Variants in LIN28B observed in about 807,000 individuals in gnomAD.
LIN28B encodes lin-28 RNA binding posttranscriptional regulator B.
In LIN28B, 5 loss-of-function variants were observed where a neutral mutation model predicts 21.9. That is an observed-to-expected ratio of 0.23 (90% confidence interval 0.12 to 0.48). The LOEUF (loss-of-function observed/expected upper bound fraction) is 0.48. Among genes scored for constraint, LIN28B ranks in the 20% least tolerant of loss-of-function variants. The pLI is 0.98. For synonymous variants in LIN28B, 109 were observed against 111.3 expected, an observed-to-expected ratio of 0.98 and a Z score of 0.13; for missense variants, 245 against 310.5, an observed-to-expected ratio of 0.79 and a Z score of 1.58.
intron 2 of LIN28B, chr6:104,941,506 G>C (rs1778093331): frequency 6.7e-6 from 1 of 150,162 alleles, no homozygotes; most frequent in Non-Finnish European, 1.5e-5. Flanking sequence ...GCGAGGGTGC[G>C]GCGCAGGCTG....
At chr6:105,067,278 A>G (rs556670371) in intron 3 of LIN28B, among the ~76,000 whole-genome samples, 1 of 152,362 alleles carries the variant, frequency 6.6e-6, no homozygotes, top group Non-Finnish European at 1.5e-5. Flanking sequence ...GTAAGACCAA[A>G]TAGAGTCAAT....
chr6:105,024,004 C>T (rs1771233356), intron 2 of LIN28B, among the ~76,000 whole-genome samples: 1 of 151,286 alleles, frequency 6.6e-6, no homozygotes, highest in Non-Finnish European at 1.5e-5. Context: ...TTTTTTGAGA[C>T]AGGGTTTCCA....
intron 3 of LIN28B, among the ~76,000 whole-genome samples, chr6:105,043,770 GGGGTTTCACTAGCCTAGGCTAGTC>G (rs1771690499): frequency 1.3e-5 from 2 of 151,920 alleles, no homozygotes; most frequent in South Asian, 4.2e-4. Flanking sequence ...TAGTAGAGAT[GGGGTTTCACTAGCCTAGGCTAGTC>G]GGGTTTCACA....
intron 3 of LIN28B, among the ~76,000 whole-genome samples, chr6:105,057,144 G>C (rs1368207425): frequency 1.3e-5 from 2 of 152,042 alleles, no homozygotes; most frequent in Non-Finnish European, 2.9e-5. Flanking sequence ...ATTTATTTTG[G>C]GGTTGCATGT....
chr6:104,967,788 C>T (rs1225979864), intron 2 of LIN28B, among the ~76,000 whole-genome samples: 1 of 151,964 alleles, frequency 6.6e-6, no homozygotes, highest in East Asian at 1.9e-4. Flanking sequence ...AAGCAATTAT[C>T]CAACCTGAGC....
chr6:105,047,398 G>C (rs1395006462), intron 3 of LIN28B, among the ~76,000 whole-genome samples: 1 of 152,082 alleles, frequency 6.6e-6, no homozygotes, highest in African/African-American at 2.4e-5. Flanking sequence ...GGTACCAGTA[G>C]CATGCTGTTT....
chr6:105,022,223 CTA>C (rs1771155582), intron 2 of LIN28B, among the ~76,000 whole-genome samples: 1 of 152,154 alleles, frequency 6.6e-6, no homozygotes, highest in Admixed American at 6.5e-5. Flanking sequence ...AGTGAAGAAA[CTA>C]TTACACTTAT....
At chr6:104,994,989 G>A (rs892883281) in intron 2 of LIN28B, among the ~76,000 whole-genome samples, 10 of 152,134 alleles carry the variant, frequency 6.6e-5, no homozygotes, top group Admixed American at 1.3e-4. Flanking sequence ...AAAAATTTTT[G>A]AGCACCAACT....
intron 2 of LIN28B, among the ~76,000 whole-genome samples, chr6:104,961,503 C>T (rs1224660933): frequency 6.6e-6 from 1 of 151,824 alleles, no homozygotes; most frequent in Admixed American, 6.6e-5. Context: ...CGAGTTCAAG[C>T]GATTCTTCTG....
Position 105,082,717 on chromosome 6 carries a change from A to G in LIN28B, c.*3934A>G, listed in dbSNP as rs1772563208. The G allele has an allele frequency of 6.6e-6, 1 of 152,650 alleles. No homozygotes were observed. The highest frequency in any genetic ancestry group is 1.5e-5 in the Non-Finnish European group (1 of 68,050). The allele number at this position is 152,650 out of a possible 1,614,324, so 9.5% of individuals were successfully genotyped here. ...TGATCTGTGTCTTAATTGTTCAGTT[A>G]GAGTGAGAAGTTGACCTATGATTCA... is the stretch of plus-strand genomic sequence containing the variant. On this transcript the variant is annotated 3_prime_UTR_variant, in exon 4 of 4. Coordinates refer to ENST00000345080, the MANE Select transcript of LIN28B (RefSeq NM_001004317.4).
chr6:105,026,233 A>G (rs991117165), intron 2 of LIN28B, 65 bp from the exon 3 acceptor site: 21 of 832,434 alleles, frequency 2.5e-5, no homozygotes, highest in African/African-American at 1.6e-4. Flanking sequence ...TTATAGAGAT[A>G]ATTTATAAAG....
At chr6:104,940,788 C>A (rs1431320087) in intron 2 of LIN28B, 1 of 151,642 alleles carries the variant, frequency 6.6e-6, no homozygotes, top group Non-Finnish European at 1.5e-5. Flanking sequence ...CCGGTGGCCG[C>A]GCGCCGCCCG....
At chr6:105,054,239 C>T (rs927299834) in intron 3 of LIN28B, among the ~76,000 whole-genome samples, 11 of 152,134 alleles carry the variant, frequency 7.2e-5, no homozygotes, top group African/African-American at 2.7e-4. Flanking sequence ...CCATTTTGCT[C>T]TCAGTTTTCT....
At chr6:105,008,643 CAAA>C (rs202223950) in intron 2 of LIN28B, among the ~76,000 whole-genome samples, 4 of 91,010 alleles carry the variant, frequency 4.4e-5, no homozygotes, top group Admixed American at 1.2e-4. Context: ...GACTACATCT[CAAA>C]AAAAAAAAAA....
intron 2 of LIN28B, among the ~76,000 whole-genome samples, chr6:104,962,463 A>G (rs1365503948): frequency 1.3e-5 from 2 of 152,060 alleles, no homozygotes; most frequent in African/African-American, 2.4e-5. Context: ...AAGGCTTTAT[A>G]TATTTTATGT....
intron 3 of LIN28B, among the ~76,000 whole-genome samples, chr6:105,041,169 C>T (rs1771624745): frequency 6.6e-6 from 1 of 152,168 alleles, no homozygotes; most frequent in South Asian, 2.1e-4. Context: ...GCCTCAGCCT[C>T]CCAGAGTGCT....
chr6:104,942,427 T>C (rs555166028), intron 2 of LIN28B, among the ~76,000 whole-genome samples: 28 of 152,292 alleles, frequency 1.8e-4, no homozygotes, highest in Middle Eastern at 6.8e-3. Context: ...ATCACAGTTT[T>C]ATGAAAGCTT....
At chr6:105,057,091 A>G (rs1205342781) in intron 3 of LIN28B, among the ~76,000 whole-genome samples, 1 of 152,194 alleles carries the variant, frequency 6.6e-6, no homozygotes, top group Admixed American at 6.5e-5. Context: ...TTTTTTTGTA[A>G]TGCAGAGATA....
intron 2 of LIN28B, among the ~76,000 whole-genome samples, chr6:105,016,926 A>G (rs1420375622): frequency 6.6e-6 from 1 of 151,644 alleles, no homozygotes; most frequent in Non-Finnish European, 1.5e-5. Context: ...AAAAAAAAAC[A>G]GCTGGGTGTG....
Sources: gnomAD v4.1 joint callset for allele counts (sites outside exome capture counted in the v4.1 genomes callset) on GRCh38, gnomAD v4.1.1 for gene constraint, MANE v1.5 for transcripts, NCBI Gene and HGNC (gene_info 2026-07-23, HGNC 2026-07-21) for gene names.